STARD9: variants seen among roughly 807,000 people sequenced by gnomAD.
STARD9 encodes the protein stAR-related lipid transfer protein 9.
STARD9 carries 346 observed loss-of-function variants against 399.8 expected under a neutral mutation model. The observed-to-expected ratio is 0.87, with a 90% CI of 0.79 to 0.95. STARD9 has a LOEUF of 0.95. STARD9 is among the 40% of genes least tolerant of loss of function. STARD9 has a pLI of 0.00. For synonymous variants in STARD9, 2,203 were observed against 2,143.5 expected (o/e 1.03, Z -0.77); for missense variants, 5,832 against 5,667.5 (o/e 1.03, Z -0.93).
Position 42,713,306 on chromosome 15 carries a change from T to A in STARD9, c.13285-3371T>A, listed in dbSNP as rs147055430. Among the ~76,000 whole-genome samples, 9 of 152,362 alleles carry A rather than the reference T, an allele frequency of 5.9e-5. No homozygotes were observed. The East Asian group carries it at 1.7e-3, about 29-fold the overall frequency. On this transcript the variant is annotated intron_variant, in intron 26 of 32. Coordinates refer to ENST00000290607, the MANE Select transcript of STARD9 (RefSeq NM_020759.3). ...CTTGTCTCCTATACCCTTGCTGAAT[T>A]CATTTATTAGTTCTGATGGTTTTTT... is the stretch of plus-strand genomic sequence containing the variant.
chr15:42,625,904 GTTATTA>G (rs938624666), intron 3 of STARD9, among the ~76,000 whole-genome samples: 2 of 151,774 alleles, frequency 1.3e-5, no homozygotes, highest in African/African-American at 2.4e-5. Flanking sequence ...TGAAGAAAGA[GTTATTA>G]TTATTATTAT....
rs576274831 is a variant in STARD9, at chr15:42,583,849, G to A, written c.117+434G>A. Reference sequence around the variant, plus strand: ...TGTAGTATGCACCTGGTAATGCAGGGTTTCTTTTAGCTATACTGAGATCCA... The same window carrying A: ...TGTAGTATGCACCTGGTAATGCAGGATTTCTTTTAGCTATACTGAGATCCA... On this transcript the variant is annotated intron_variant, in intron 2 of 32. Coordinates refer to ENST00000290607, the MANE Select transcript of STARD9 (RefSeq NM_020759.3). Among the ~76,000 whole-genome samples the A allele has an allele frequency of 2.6e-5, 4 of 152,122 alleles. No homozygotes were observed. The South Asian group carries it at 8.3e-4, about 32-fold the overall frequency.
In STARD9 at chr15:42,651,019, T is replaced by G; in HGVS notation, c.563T>G (p.Leu188Ter). The change falls in exon 8 of 33, where the codon TTA (leucine) becomes TGA (stop). Residue 188 changes from leucine to a stop codon, truncating the protein, a stop_gained. Coordinates refer to ENST00000290607, the MANE Select transcript of STARD9 (RefSeq NM_020759.3). LOFTEE classifies it high-confidence loss of function. ...HPEMGPYVQG[L>*]SQHVVTNYKQ... ...TTCCGTTTCACAAATCCGATAGGTTTATCTCAACATGTAGTTACCAATTAT... is the reference window on the plus strand; with the variant it reads ...TTCCGTTTCACAAATCCGATAGGTTGATCTCAACATGTAGTTACCAATTAT... The G allele has an allele frequency of 6.6e-7, 1 of 1,526,590 alleles. No individual in the cohort carries two copies. The highest frequency in any genetic ancestry group is 8.8e-7 in the Non-Finnish European group (1 of 1,139,462). 94.6% of individuals were successfully genotyped at this position (1,526,590 alleles called of 1,614,324 possible).
In STARD9 at chr15:42,687,889, C is replaced by T. The variant is rs1180671816; in HGVS notation, c.6311C>T (p.Ser2104Phe). Residue 2104 changes from serine to phenylalanine, a missense_variant, in exon 23 of 33, where the codon TCT (serine) becomes TTT (phenylalanine). Coordinates refer to ENST00000290607, the MANE Select transcript of STARD9 (RefSeq NM_020759.3). ...GACCATGCCTTTAGGCCAGACAGCT[C>T]TGGAAACCCTTTGCCCTCTAAGGAT... ...KTDHAFRPDS[S>F]GNPLPSKDQP... 4.6e-6 allele frequency: 7 copies of T among 1,537,094 alleles called. No individual in the cohort carries two copies. The African/African-American group carries it at 9.6e-5, about 21-fold the overall frequency.
chr15:42,691,173 C>T lies in STARD9; in HGVS notation c.9595C>T (p.His3199Tyr). The T allele has an allele frequency of 6.5e-7, 1 of 1,537,270 alleles. No individual in the cohort carries two copies. Residue 3199 changes from histidine (H) to tyrosine (Y), a missense_variant, in exon 23 of 33, where the codon CAT (histidine) becomes TAT (tyrosine). His to Tyr is a moderately conservative substitution (Grantham distance 83). Coordinates refer to ENST00000290607, the MANE Select transcript of STARD9 (RefSeq NM_020759.3). ...AGCCAAGTTTGTAGCAAGGTTAAAACATACCTGCAGCCCCCAGGAAGACAG... is the reference window on the plus strand; with the variant it reads ...AGCCAAGTTTGTAGCAAGGTTAAAATATACCTGCAGCCCCCAGGAAGACAG... ...SQAKFVARLKHTCSPQEDSPW... is the reference protein window; with the variant it reads ...SQAKFVARLKYTCSPQEDSPW...
intron 7 of STARD9, among the ~76,000 whole-genome samples, chr15:42,642,297 T>C (rs1158964449): frequency 6.6e-6 from 1 of 152,094 alleles, no homozygotes; most frequent in Non-Finnish European, 1.5e-5. Flanking sequence ...GCTACCTAAA[T>C]CCAAAGAAAG....
Position 42,690,985 on chromosome 15 carries a change from C to T in STARD9, c.9407C>T (p.Ala3136Val), listed in dbSNP as rs2140277901. Residue 3136 changes from alanine to valine, a missense_variant, in exon 23 of 33, where the codon GCA (alanine) becomes GTA (valine). Transcript: ENST00000290607. ...QVCQTNPEPP[A>V]TTQGPHTLDL... ...TGTCAAACCAATCCAGAACCACCTG[C>T]AACAACTCAGGGACCACACACCCTG... is the stretch of plus-strand genomic sequence containing the variant. 3.3e-6 allele frequency: 5 copies of T among 1,537,226 alleles called. No homozygotes were observed. Among genetic ancestry groups the T allele is most frequent in the Non-Finnish European group, 4.4e-6 (5 of 1,146,904 alleles).
chr15:42,681,868 A>G (rs1333977798), intron 21 of STARD9, among the ~76,000 whole-genome samples: 3 of 152,084 alleles, frequency 2.0e-5, no homozygotes, highest in African/African-American at 4.8e-5. Flanking sequence ...TCATGTATCC[A>G]TACCCTACCG....
At position 42,691,789 on chromosome 15, in the gene STARD9, C is replaced by A; in HGVS notation, c.10211C>A (p.Thr3404Asn). 2 of 1,537,276 alleles carry A rather than the reference C, an allele frequency of 1.3e-6. No individual in the cohort carries two copies. The highest frequency in any genetic ancestry group is 8.7e-7 in the Non-Finnish European group (1 of 1,146,908). Residue 3404 changes from threonine (T) to asparagine (N), a missense_variant, in exon 23 of 33, where the codon ACC (threonine) becomes AAC (asparagine). Thr to Asn is a moderately conservative substitution (Grantham distance 65, BLOSUM62 0). Coordinates refer to ENST00000290607, the MANE Select transcript of STARD9 (RefSeq NM_020759.3). ...TTDHRHLKPA[T>N]PPYPMPSTLS... is the part of the protein sequence containing the mutation. ...GATCACAGGCACCTGAAGCCTGCCA[C>A]CCCTCCTTATCCAATGCCTTCCACT...
chr15:42,694,213 TCA>T lies in STARD9; in HGVS notation c.12638_12639del (p.Thr4213ArgfsTer29). 1 of 1,535,718 alleles carries T rather than the reference TCA, an allele frequency of 6.5e-7. No homozygotes were observed. Among genetic ancestry groups the T allele is most frequent in the South Asian group, 1.2e-5 (1 of 83,770 alleles). On this transcript the variant is annotated frameshift_variant, in exon 23 of 33. Coordinates refer to ENST00000290607, the MANE Select transcript of STARD9 (RefSeq NM_020759.3). LOFTEE classifies it high-confidence loss of function. ...CAGAACCTCTCACTCAGCGTGGAAC[TCA>T]CAGAAGCGAAACTGCACCATGGCTT...
intron 7 of STARD9, among the ~76,000 whole-genome samples, chr15:42,644,529 A>T (rs926826981): frequency 6.6e-6 from 1 of 152,052 alleles, no homozygotes. Context: ...ATTTAAAAAT[A>T]CTTTATTGCT....
At chr15:42,619,449 CAGCTACTTGAGT>C (rs1213906571) in intron 3 of STARD9, among the ~76,000 whole-genome samples, 2 of 151,474 alleles carry the variant, frequency 1.3e-5, no homozygotes, top group Non-Finnish European at 2.9e-5. Flanking sequence ...TCTGTAGTCC[CAGCTACTTGAGT>C]AGCTGAGGTG....
At chr15:42,705,073 T>C (rs2061045719) in intron 26 of STARD9, among the ~76,000 whole-genome samples, 1 of 152,198 alleles carries the variant, frequency 6.6e-6, no homozygotes, top group African/African-American at 2.4e-5. Flanking sequence ...GGCACAGGCC[T>C]GGAATTAGGC....
Position 42,712,111 on chromosome 15 carries a change from A to AATATATAATATATATAAT in STARD9, c.13285-4550_13285-4549insATATATATAATATATATA, listed in dbSNP as rs377427253. On this transcript the variant is annotated intron_variant, in intron 26 of 32. Coordinates refer to ENST00000290607, the MANE Select transcript of STARD9 (RefSeq NM_020759.3). ...TATATATATATAATATATAATATAT[A>AATATATAATATATATAAT]ATATATAATATATATATAAATGTGC... 2.5e-3 allele frequency among the ~76,000 whole-genome samples: 8 copies of AATATATAATATATATAAT among 3,184 alleles called. 4 individuals are homozygous for AATATATAATATATATAAT. The highest frequency in any genetic ancestry group is 0.025 in the Admixed American group (4 of 160). The allele number at this position is 3,184 out of a possible 152,430, so 2.1% of individuals were successfully genotyped here.
intron 3 of STARD9, among the ~76,000 whole-genome samples, chr15:42,607,687 A>T (rs371980232): frequency 1.1e-5 from 1 of 90,588 alleles, no homozygotes; most frequent in African/African-American, 4.0e-5. Flanking sequence ...CACACACACA[A>T]ATATATATTT....
At chr15:42,659,185 A>G (rs1286206982) in intron 9 of STARD9, among the ~76,000 whole-genome samples, 1 of 152,176 alleles carries the variant, frequency 6.6e-6, no homozygotes, top group Non-Finnish European at 1.5e-5. Context: ...TGCTAAACAT[A>G]CATCTGATGG....
At chr15:42,625,990 C>T (rs1392686876) in intron 3 of STARD9, among the ~76,000 whole-genome samples, 5 of 152,074 alleles carry the variant, frequency 3.3e-5, no homozygotes, top group Non-Finnish European at 7.4e-5. Context: ...GGTGCGATAT[C>T]GGCTCACTGC....
intron 9 of STARD9, among the ~76,000 whole-genome samples, chr15:42,660,950 TG>T (rs1410086039): frequency 5.0e-5 from 7 of 139,328 alleles, no homozygotes; most frequent in African/African-American, 2.0e-4. Flanking sequence ...TTTTTTGTTT[TG>T]TTTTTTTTTT....
Position 42,661,734 on chromosome 15 carries a change from A to G in STARD9, c.770+509A>G, listed in dbSNP as rs576518254. ...AGTCTCCCAAAGTGCTGGGATTACA[A>G]GCGTGAGCCACTGCACCTGGCCACC... On this transcript the variant is annotated intron_variant, in intron 10 of 32. Transcript: ENST00000290607. Among the ~76,000 whole-genome samples, 3 of 151,882 alleles carry G rather than the reference A, an allele frequency of 2.0e-5. No individual in the cohort carries two copies. The East Asian group carries it at 5.8e-4, about 30-fold the overall frequency.
Sources: gnomAD v4.1 joint callset for allele counts (sites outside exome capture counted in the v4.1 genomes callset) on GRCh38, gnomAD v4.1.1 for gene constraint, MANE v1.5 for transcripts, NCBI Gene and HGNC (gene_info 2026-07-23, HGNC 2026-07-21) for gene names.